Variants in CRYBB1 observed in about 807,000 individuals in gnomAD.
The protein encoded by CRYBB1 is beta-crystallin B1.
CRYBB1 carries 16 observed loss-of-function variants against 29.5 expected under a neutral mutation model. That is an observed-to-expected ratio of 0.54 (90% CI 0.37 to 0.82). The LOEUF (loss-of-function observed/expected upper bound fraction) is 0.82. Among genes scored for constraint, CRYBB1 ranks in the 40% least tolerant of loss-of-function variants. The pLI, the probability that CRYBB1 is intolerant of heterozygous loss-of-function variation, is 0.00. For missense variants in CRYBB1, 300 were observed against 350.5 expected (o/e 0.86, Z 1.15); for synonymous variants, 127 against 136.7 (o/e 0.93, Z 0.49).
chr22:26,601,810 A>T, intron 5 of CRYBB1, 69 bp downstream of exon 5: 1 of 1,607,564 alleles, frequency 6.2e-7, no homozygotes, highest in Non-Finnish European at 8.5e-7. Flanking sequence ...ATAACCTGTA[A>T]GGGGAGCAGC....
chr22:26,611,399 G>A (rs937680958), intron 3 of CRYBB1, among the ~76,000 whole-genome samples: 10 of 152,142 alleles, frequency 6.6e-5, no homozygotes, highest in African/African-American at 2.4e-4. Flanking sequence ...AGGGGACAGC[G>A]AGTGGACACT....
At position 26,612,064 on chromosome 22, in the gene CRYBB1, G is replaced by A. The variant is rs372289191; in HGVS notation, c.299+8C>T. On this transcript the variant is annotated splice_region_variant and intron_variant, in intron 3 of 5. Coordinates refer to ENST00000647684, the MANE Select transcript of CRYBB1 (RefSeq NM_001887.4). ...AGAGAGTGTGCCCCTCCGCCGCCCA[G>A]TACTCACGGTCCCGCGGAGACAATG... is the stretch of plus-strand genomic sequence containing the variant. 6.2e-6 allele frequency: 10 copies of A among 1,602,318 alleles called. No homozygotes were observed. The highest frequency in any genetic ancestry group is 5.4e-5 in the African/African-American group (4 of 74,648).
chr22:26,606,994 G>A (rs1164670423), intron 4 of CRYBB1, among the ~76,000 whole-genome samples: 1 of 149,836 alleles, frequency 6.7e-6, no homozygotes, highest in Admixed American at 6.6e-5. Flanking sequence ...AGAGGTTCAA[G>A]CTGCGTTTCT....
intron 3 of CRYBB1, among the ~76,000 whole-genome samples, chr22:26,608,743 G>C (rs1929063912): frequency 1.3e-5 from 2 of 152,102 alleles, no homozygotes; most frequent in Admixed American, 6.5e-5. Context: ...ATTGATACAG[G>C]TGTTTGCATC....
chr22:26,603,793 A>G (rs1928895536), intron 4 of CRYBB1, among the ~76,000 whole-genome samples: 1 of 151,644 alleles, frequency 6.6e-6, no homozygotes. Context: ...GCGTGGTGGC[A>G]CGCACCTGTA....
At chr22:26,611,510 C>T (rs1426487735) in intron 3 of CRYBB1, among the ~76,000 whole-genome samples, 1 of 150,588 alleles carries the variant, frequency 6.6e-6, no homozygotes, top group Non-Finnish European at 1.5e-5. Context: ...CTCTGTCGCC[C>T]AGGCCGGACT....
intron 3 of CRYBB1, 39 bp downstream of exon 3, chr22:26,612,033 T>C: frequency 6.9e-7 from 1 of 1,439,220 alleles, no homozygotes; most frequent in South Asian, 1.1e-5. Context: ...GTCATTTTAC[T>C]GTGGCAGAGA....
At chr22:26,610,401 C>A (rs1215618681) in intron 3 of CRYBB1, among the ~76,000 whole-genome samples, 2 of 152,170 alleles carry the variant, frequency 1.3e-5, no homozygotes. Flanking sequence ...GGACCACAGG[C>A]CCGTTTCCAT....
intron 3 of CRYBB1, among the ~76,000 whole-genome samples, chr22:26,611,673 A>G (rs2087136536): frequency 6.6e-6 from 1 of 151,552 alleles, no homozygotes; most frequent in Non-Finnish European, 1.5e-5. Flanking sequence ...ACGGGGTTTC[A>G]CCTTGTTAGC....
In CRYBB1 at chr22:26,616,142, T is replaced by TGTAGTTCCCAGGAG; in HGVS notation, c.164_177dup (p.Arg60LeufsTer110). 6.2e-7 allele frequency: 1 copy of TGTAGTTCCCAGGAG among 1,613,974 alleles called. No homozygotes were observed. Among genetic ancestry groups the TGTAGTTCCCAGGAG allele is most frequent in the Non-Finnish European group, 8.5e-7 (1 of 1,179,820 alleles). On this transcript the variant is annotated frameshift_variant, in exon 2 of 6. Coordinates refer to ENST00000647684, the MANE Select transcript of CRYBB1 (RefSeq NM_001887.4). LOFTEE classifies it high-confidence loss of function. ...CCACTGCACCCCCAGGTCCTTACCC[T>TGTAGTTCCCAGGAG]GTAGTTCCCAGGAGGCAGTTCCGCC...
intron 1 of CRYBB1, among the ~76,000 whole-genome samples, chr22:26,616,685 G>T (rs1929367500): frequency 6.6e-6 from 1 of 152,112 alleles, no homozygotes; most frequent in African/African-American, 2.4e-5. Flanking sequence ...TGCCTCCCTA[G>T]ACTAATAACA....
At chr22:26,608,146 G>C in intron 3 of CRYBB1, 125 bp from the exon 4 acceptor site, 1 of 1,376,482 alleles carries the variant, frequency 7.3e-7, no homozygotes, top group African/African-American at 1.4e-5. Context: ...GTCCAAAGGG[G>C]GCTGAACATG....
rs57400078 is a variant in CRYBB1 at position 26,612,056 on chromosome 22, G to T, written c.299+16C>A. ...ACTGTGGCAGAGAGTGTGCCCCTCC[G>T]CCGCCCAGTACTCACGGTCCCGCGG... On this transcript the variant is annotated intron_variant, in intron 3 of 5. Transcript: ENST00000647684. 54,688 of 1,580,770 alleles carry T rather than the reference G, an allele frequency of 0.035. 1,403 individuals are homozygous for T. Among genetic ancestry groups the T allele is most frequent in the East Asian group, 0.082 (3,680 of 44,682 alleles).
chr22:26,612,489 GT>G (rs1223429102), intron 2 of CRYBB1, among the ~76,000 whole-genome samples: 2 of 152,154 alleles, frequency 1.3e-5, no homozygotes, highest in Admixed American at 6.5e-5. Flanking sequence ...CAGCCTCCGA[GT>G]AGTTGAGATT....
At chr22:26,611,613 T>C (rs1929167500) in intron 3 of CRYBB1, among the ~76,000 whole-genome samples, 1 of 151,964 alleles carries the variant, frequency 6.6e-6, no homozygotes, top group African/African-American at 2.4e-5. Context: ...TAGCTGGGAC[T>C]ACAGGCGCCC....
chr22:26,611,421 C>G (rs1231139581), intron 3 of CRYBB1, among the ~76,000 whole-genome samples: 1 of 152,058 alleles, frequency 6.6e-6, no homozygotes. Flanking sequence ...CACTCTTTGA[C>G]CTCTCTCAGC....
chr22:26,608,447 A>G (rs1929055246), intron 3 of CRYBB1, among the ~76,000 whole-genome samples: 1 of 152,244 alleles, frequency 6.6e-6, no homozygotes, highest in Non-Finnish European at 1.5e-5. Context: ...TGCCTTTAAC[A>G]CTTACTAATC....
In CRYBB1 at chr22:26,616,194, T is replaced by A. The variant is rs771236029; in HGVS notation, c.126A>T (p.Thr42=). The part of the protein sequence containing the change: ...SPSPGTTLAP[T]TVPITSAKAA... Reference sequence around the variant, plus strand: ...CCTTGGCGCTGGTAATAGGCACGGTTGTTGGGGCCAGGGTAGTGCCGGGAC... The same window carrying A: ...CCTTGGCGCTGGTAATAGGCACGGTAGTTGGGGCCAGGGTAGTGCCGGGAC... Residue 42 remains threonine (T), a synonymous_variant, in exon 2 of 6, where the codon ACA becomes ACT. Coordinates refer to ENST00000647684, the MANE Select transcript of CRYBB1 (RefSeq NM_001887.4). 17 of 1,614,054 alleles carry A rather than the reference T, an allele frequency of 1.1e-5. No homozygotes were observed. Among genetic ancestry groups the A allele is most frequent in the Non-Finnish European group, 1.4e-5 (16 of 1,180,024 alleles).
intron 2 of CRYBB1, among the ~76,000 whole-genome samples, chr22:26,613,182 C>T (rs1328212353): frequency 6.6e-6 from 1 of 152,254 alleles, no homozygotes; most frequent in African/African-American, 2.4e-5. Flanking sequence ...CTTCTCTCCT[C>T]ACTAAGCCTC....
Sources: allele counts gnomAD v4.1 joint callset (sites outside exome capture counted in the v4.1 genomes callset), GRCh38; gene constraint gnomAD v4.1.1; transcripts MANE v1.5; gene names NCBI Gene and HGNC (gene_info 2026-07-23, HGNC 2026-07-21).